Variants in HSD17B12 observed in about 807,000 individuals in gnomAD.
HSD17B12 encodes the protein very-long-chain 3-oxoacyl-CoA reductase.
Under a neutral mutation model 39.3 loss-of-function variants are expected in HSD17B12, and 32 were observed. That is an observed-to-expected ratio of 0.81 (90% confidence interval 0.61 to 1.09). HSD17B12 has a LOEUF of 1.09. HSD17B12 is among the 50% of genes least tolerant of loss of function. HSD17B12 has a pLI of 0.00. For synonymous variants in HSD17B12, 150 were observed against 146.7 expected (o/e 1.02, Z -0.16); for missense variants, 342 against 382.9 (o/e 0.89, Z 0.89).
intron 1 of HSD17B12, among the ~76,000 whole-genome samples, chr11:43,739,980 T>C (rs535516459): frequency 5.2e-4 from 79 of 152,048 alleles, no homozygotes; most frequent in Non-Finnish European, 1.0e-3. Context: ...GGCTACAATG[T>C]AGAGATTGAA....
the HSD17B12 span, among the ~76,000 whole-genome samples, chr11:43,558,372 C>G: frequency 1.3e-5 from 2 of 152,044 alleles, no homozygotes; most frequent in Admixed American, 6.5e-5. Flanking sequence ...AAATCCAGCG[C>G]CTGGTGTTGG....
the HSD17B12 span, among the ~76,000 whole-genome samples, chr11:43,640,421 A>C: frequency 6.6e-6 from 1 of 152,188 alleles, no homozygotes; most frequent in African/African-American, 2.4e-5. Context: ...AAGCAGTATA[A>C]TCGTTTTTAA....
At chr11:43,624,000 T>A in the HSD17B12 span, among the ~76,000 whole-genome samples, 2 of 152,146 alleles carry the variant, frequency 1.3e-5, no homozygotes, top group South Asian at 4.1e-4. Flanking sequence ...CCTAGGTTCC[T>A]GTCTAGACAT....
chr11:43,723,802 G>A lies in HSD17B12; in HGVS notation c.161-27109G>A, dbSNP rs1023942017. Among the ~76,000 whole-genome samples, 26 of 152,154 alleles carry A rather than the reference G, an allele frequency of 1.7e-4. 1 individual carries two copies. Among genetic ancestry groups the A allele is most frequent in the African/African-American group, 6.3e-4 (26 of 41,426 alleles). On this transcript the variant is annotated intron_variant, in intron 1 of 10. Transcript: ENST00000278353. ...CGCAGTGGTTTATTTTTAGACCTGCGTTGCCATTTTTATCCTGCAAAAATA... is the reference window on the plus strand; with the variant it reads ...CGCAGTGGTTTATTTTTAGACCTGCATTGCCATTTTTATCCTGCAAAAATA...
chr11:43,690,392 A>AT (rs1565049755), intron 1 of HSD17B12, among the ~76,000 whole-genome samples: 52 of 18,098 alleles, frequency 2.9e-3, no homozygotes, highest in East Asian at 4.0e-3. Flanking sequence ...ATATATATAT[A>AT]TATATATATA....
At chr11:43,766,148 T>A (rs978201362) in intron 3 of HSD17B12, among the ~76,000 whole-genome samples, 3 of 152,210 alleles carry the variant, frequency 2.0e-5, no homozygotes, top group African/African-American at 7.2e-5. Flanking sequence ...ACGTGCTCAC[T>A]CTCTAGTTTC....
chr11:43,745,575 G>C (rs770194235), intron 1 of HSD17B12, among the ~76,000 whole-genome samples: 1 of 152,116 alleles, frequency 6.6e-6, no homozygotes, highest in Non-Finnish European at 1.5e-5. Context: ...TTAACCTACT[G>C]TTCATACCTA....
At chr11:43,784,174 T>A (rs1213203485) in intron 3 of HSD17B12, among the ~76,000 whole-genome samples, 5 of 152,036 alleles carry the variant, frequency 3.3e-5, no homozygotes, top group Non-Finnish European at 7.4e-5. Context: ...TCATGATAGA[T>A]CGAGTAAGCA....
the HSD17B12 span, among the ~76,000 whole-genome samples, chr11:43,616,797 TA>T: frequency 0.062 from 3,714 of 59,708 alleles, 66 homozygotes; most frequent in South Asian, 0.16. Context: ...GTGCCCAAAC[TA>T]AAAAAAAAAA....
chr11:43,658,773 C>A, the HSD17B12 span, among the ~76,000 whole-genome samples: 5 of 152,136 alleles, frequency 3.3e-5, no homozygotes, highest in Non-Finnish European at 7.3e-5. Flanking sequence ...CAGACGAGTA[C>A]CCGGCCGTGT....
chr11:43,761,576 G>C (rs1950555503), intron 3 of HSD17B12, among the ~76,000 whole-genome samples: 1 of 152,138 alleles, frequency 6.6e-6, no homozygotes, highest in Non-Finnish European at 1.5e-5. Flanking sequence ...GCTCCTCATG[G>C]CATTACTGAG....
chr11:43,568,085 C>T, the HSD17B12 span, among the ~76,000 whole-genome samples: 1 of 151,826 alleles, frequency 6.6e-6, no homozygotes, highest in Non-Finnish European at 1.5e-5. Flanking sequence ...TTTTTTTATT[C>T]TTTTAATTTT....
chr11:43,781,179 T>A (rs1307371884), intron 3 of HSD17B12, among the ~76,000 whole-genome samples: 1 of 152,216 alleles, frequency 6.6e-6, no homozygotes, highest in East Asian at 1.9e-4. Context: ...CTCTTAACTT[T>A]CCATGATACA....
In HSD17B12 at chr11:43,820,094, TG is replaced by T. The variant is rs1165358101; in HGVS notation, c.501+3705del. On this transcript the variant is annotated intron_variant, in intron 6 of 10. Coordinates refer to ENST00000278353, the MANE Select transcript of HSD17B12 (RefSeq NM_016142.3). ...GACTAGTGACCATTCAGATAGAAAA[TG>T]GCTTGACGGGAGCAGTGGGAGGTGA... is the stretch of plus-strand genomic sequence containing the variant. Among the ~76,000 whole-genome samples, 9 of 152,168 alleles carry T rather than the reference TG, an allele frequency of 5.9e-5. No homozygotes were observed. In the East Asian group the frequency reaches 1.7e-3, roughly 30 times the overall value.
chr11:43,566,449 A>C, the HSD17B12 span, among the ~76,000 whole-genome samples: 2 of 152,194 alleles, frequency 1.3e-5, no homozygotes, highest in Non-Finnish European at 2.9e-5. Context: ...GGCAGTGAGC[A>C]ATTGTTAATT....
chr11:43,575,006 T>C, the HSD17B12 span, among the ~76,000 whole-genome samples: 4 of 152,206 alleles, frequency 2.6e-5, no homozygotes, highest in African/African-American at 9.6e-5. The surrounding 1 kb of genome is among the most constrained non-coding windows in gnomAD (Gnocchi z 4.1). Context: ...CACTCCCCTC[T>C]GGGCGCTCCC....
At chr11:43,764,310 G>A (rs914440647) in intron 3 of HSD17B12, among the ~76,000 whole-genome samples, 8 of 152,076 alleles carry the variant, frequency 5.3e-5, no homozygotes, top group African/African-American at 1.9e-4. Flanking sequence ...TTTCTGTGGG[G>A]AATGATTTGT....
chr11:43,639,765 AT>A, the HSD17B12 span, among the ~76,000 whole-genome samples: 1 of 152,202 alleles, frequency 6.6e-6, no homozygotes, highest in African/African-American at 2.4e-5. Flanking sequence ...GTGCGTAGGA[AT>A]TTTATACGTT....
intron 7 of HSD17B12, chr11:43,833,849 T>G (rs1951339452): frequency 6.6e-6 from 1 of 152,160 alleles, no homozygotes; most frequent in East Asian, 1.9e-4. Context: ...ATACCTATAA[T>G]CAAACTAAGG....
Sources: allele counts gnomAD v4.1 joint callset (sites outside exome capture counted in the v4.1 genomes callset), GRCh38; gene constraint gnomAD v4.1.1; non-coding constraint Gnocchi (gnomAD v3.1); transcripts MANE v1.5; gene names NCBI Gene and HGNC (gene_info 2026-07-23, HGNC 2026-07-21).